The following GPHN variants were observed in gnomAD, a reference collection of about 807,000 sequenced individuals.
GPHN encodes the protein gephyrin.
Under a neutral mutation model 95.5 loss-of-function variants are expected in GPHN, and 17 were observed. The ratio of observed to expected loss-of-function variants is 0.18; its 90% CI spans 0.12 to 0.27. GPHN has a LOEUF of 0.27. Among genes scored for constraint, GPHN ranks in the 10% least tolerant of loss-of-function variants. The probability of loss-of-function intolerance (pLI) is 1.00; values close to 1 mark genes in which losing one functional copy is unlikely to be tolerated. For missense variants in GPHN, 660 were observed against 978.1 expected, an observed-to-expected ratio of 0.67 and a Z score of 4.34; for synonymous variants, 320 against 322.5, an observed-to-expected ratio of 0.99 and a Z score of 0.08.
At chr14:66,630,474 A>ATTG (rs748539409) in intron 1 of GPHN, among the ~76,000 whole-genome samples, 7 of 151,178 alleles carry the variant, frequency 4.6e-5, no homozygotes, top group Admixed American at 1.3e-4. Context: ...TCAGAATCCT[A>ATTG]TTGTTGTTGT....
chr14:67,701,317 A>G, the GPHN span, among the ~76,000 whole-genome samples: 2 of 151,924 alleles, frequency 1.3e-5, no homozygotes, highest in South Asian at 2.1e-4. Flanking sequence ...ATTTTAACAT[A>G]GAGGACCAAA....
At chr14:67,121,949 T>C (rs1662777855) in intron 16 of GPHN, among the ~76,000 whole-genome samples, 1 of 152,172 alleles carries the variant, frequency 6.6e-6, no homozygotes, top group African/African-American at 2.4e-5. Context: ...GATAATTGTT[T>C]TATTTAGTTT....
At chr14:67,208,380 T>G in the GPHN span, 3 of 1,613,996 alleles carry the variant, frequency 1.9e-6, no homozygotes, top group African/African-American at 1.3e-5. Flanking sequence ...TCCAAGGAGA[T>G]GAAGGATAAG....
At chr14:66,687,688 C>T (rs1401197043) in intron 2 of GPHN, among the ~76,000 whole-genome samples, 3 of 151,970 alleles carry the variant, frequency 2.0e-5, no homozygotes, top group Middle Eastern at 3.2e-3. Flanking sequence ...AGGGTTTCTC[C>T]ATGTTGTTCA....
chr14:67,718,689 T>C, the GPHN span, among the ~76,000 whole-genome samples: 1 of 152,204 alleles, frequency 6.6e-6, no homozygotes, highest in Non-Finnish European at 1.5e-5. Context: ...TCTCTTTCTC[T>C]CTGTGACTTA....
chr14:67,458,326 T>C, the GPHN span, among the ~76,000 whole-genome samples: 2 of 152,186 alleles, frequency 1.3e-5, no homozygotes, highest in Non-Finnish European at 1.5e-5. Context: ...GTGTCCTTTA[T>C]GGACTCATAA....
intron 8 of GPHN, among the ~76,000 whole-genome samples, chr14:66,932,444 GTTTTTTTTTTT>G (rs35159325): frequency 3.0e-3 from 74 of 24,390 alleles, no homozygotes; most frequent in East Asian, 0.02. Context: ...CCAAGACCAG[GTTTTTTTTTTT>G]TTTTTTTTTT....
the GPHN span, among the ~76,000 whole-genome samples, chr14:67,455,671 A>G: frequency 1.3e-5 from 2 of 152,242 alleles, no homozygotes; most frequent in East Asian, 3.8e-4. Context: ...AAAGTCATTT[A>G]AAATAATCAT....
At chr14:67,577,148 C>T in the GPHN span, among the ~76,000 whole-genome samples, 2 of 152,180 alleles carry the variant, frequency 1.3e-5, no homozygotes, top group Non-Finnish European at 2.9e-5. Flanking sequence ...CACCTGTACA[C>T]CCCACACTCT....
intron 2 of GPHN, among the ~76,000 whole-genome samples, chr14:66,709,673 A>G (rs12587522): frequency 0.33 from 49,903 of 152,102 alleles, 12,023 homozygotes; most frequent in African/African-American, 0.65. Flanking sequence ...GAAGATAAGG[A>G]AAGACTACTC....
chr14:67,725,165 T>C, the GPHN span: 2 of 1,613,888 alleles, frequency 1.2e-6, no homozygotes, highest in South Asian at 1.1e-5. Flanking sequence ...GAAATCCGAG[T>C]GGATACAAAG....
intron 4 of GPHN, among the ~76,000 whole-genome samples, chr14:66,873,096 C>A (rs572896441): frequency 5.3e-5 from 8 of 152,242 alleles, no homozygotes; most frequent in Non-Finnish European, 1.0e-4. Flanking sequence ...ATCGTTGGGA[C>A]TGGTTAGACA....
chr14:67,342,209 TAAA>T, the GPHN span, among the ~76,000 whole-genome samples: 49 of 98,140 alleles, frequency 5.0e-4, no homozygotes, highest in African/African-American at 2.2e-3. Context: ...AATAAATAAA[TAAA>T]TAAAATAAAA....
the GPHN span, chr14:67,562,843 G>A: frequency 8.7e-6 from 14 of 1,613,542 alleles, no homozygotes; most frequent in Non-Finnish European, 1.2e-5. Flanking sequence ...TGGAGGAAGT[G>A]GAGCTGGGTA....
intron 5 of GPHN, among the ~76,000 whole-genome samples, chr14:66,881,994 A>G: frequency 6.6e-6 from 1 of 151,948 alleles, no homozygotes; most frequent in Admixed American, 6.6e-5. Flanking sequence ...CTGAATGTTC[A>G]TTTTTTGTGC....
intron 4 of GPHN, among the ~76,000 whole-genome samples, chr14:66,863,612 A>G (rs1057291675): frequency 6.6e-6 from 1 of 152,176 alleles, no homozygotes; most frequent in Non-Finnish European, 1.5e-5. Flanking sequence ...TACTGGCATA[A>G]AAACAGACAC....
intron 1 of GPHN, among the ~76,000 whole-genome samples, chr14:66,644,873 G>T (rs981507585): frequency 2.0e-5 from 3 of 152,044 alleles, no homozygotes; most frequent in Non-Finnish European, 4.4e-5. Flanking sequence ...TATTTAAATA[G>T]TAATAATTTT....
At chr14:67,013,635 G>T (rs77664046) in intron 9 of GPHN, among the ~76,000 whole-genome samples, 6,678 of 151,966 alleles carry the variant, frequency 0.044, 190 homozygotes, top group Middle Eastern at 0.068. Context: ...GTGCAGTATA[G>T]ACATATATTT....
At chr14:67,234,780 C>T in the GPHN span, among the ~76,000 whole-genome samples, 1 of 149,416 alleles carries the variant, frequency 6.7e-6, no homozygotes, top group African/African-American at 2.4e-5. Flanking sequence ...GAACTCCTGA[C>T]CTCAGGTGAT....
Sources: allele counts gnomAD v4.1 joint callset (sites outside exome capture counted in the v4.1 genomes callset), GRCh38; gene constraint gnomAD v4.1.1; transcripts MANE v1.5; gene names NCBI Gene and HGNC (gene_info 2026-07-23, HGNC 2026-07-21).